Variants in CD244 observed in about 807,000 individuals in gnomAD.
CD244 encodes the protein natural killer cell receptor 2B4.
Under a neutral mutation model 45.5 loss-of-function variants are expected in CD244, and 20 were observed. The ratio of observed to expected loss-of-function variants is 0.44; its 90% confidence interval spans 0.31 to 0.64. The LOEUF (loss-of-function observed/expected upper bound fraction) is 0.64, where lower values mean the gene tolerates loss of function less well. CD244 is among the 30% of genes least tolerant of loss of function. The probability of loss-of-function intolerance (pLI) is 0.08; values close to 1 mark genes in which losing one functional copy is unlikely to be tolerated. For synonymous variants in CD244, 185 were observed against 160.5 expected (o/e 1.15, Z -1.15); for missense variants, 407 against 426.9 (o/e 0.95, Z 0.41).
intron 5 of CD244, 38 bp downstream of exon 5, chr1:160,838,413 G>C: frequency 6.8e-7 from 1 of 1,475,092 alleles, no homozygotes; most frequent in East Asian, 2.3e-5. Flanking sequence ...CATTTTCCAA[G>C]CCAGCTGAGA....
intron 8 of CD244, among the ~76,000 whole-genome samples, chr1:160,832,225 G>A (rs1669150718): frequency 1.3e-5 from 2 of 152,178 alleles, no homozygotes; most frequent in South Asian, 4.1e-4. Context: ...AAGGAGAGAT[G>A]TCCAGTTTGT....
intron 1 of CD244, among the ~76,000 whole-genome samples, chr1:160,858,331 G>T (rs1670182150): frequency 6.6e-6 from 1 of 152,130 alleles, no homozygotes; most frequent in African/African-American, 2.4e-5. Context: ...TCCCTGAGAA[G>T]TGACAGTTCC....
Position 160,860,728 on chromosome 1 carries a change from T to G in CD244, c.61+1889A>C, listed in dbSNP as rs114946994. ...TAAAGTAAATGTGATAAAATGTTAA[T>G]TGGTGAATCTAGATGAAAGAAATTC... On this transcript the variant is annotated intron_variant, in intron 1 of 8. Transcript: ENST00000368034. Among the ~76,000 whole-genome samples, 397 of 152,370 alleles carry G rather than the reference T, an allele frequency of 2.6e-3. 2 individuals are homozygous for G. Among genetic ancestry groups the G allele is most frequent in the African/African-American group, 8.9e-3 (370 of 41,586 alleles).
chr1:160,855,117 G>A (rs1349740234), intron 1 of CD244, among the ~76,000 whole-genome samples: 1 of 152,234 alleles, frequency 6.6e-6, no homozygotes, highest in African/African-American at 2.4e-5. Flanking sequence ...AGACTTGTTG[G>A]CAAGGTTGGT....
At chr1:160,856,097 G>GT in intron 1 of CD244, among the ~76,000 whole-genome samples, 1 of 152,324 alleles carries the variant, frequency 6.6e-6, no homozygotes, top group South Asian at 2.1e-4. Context: ...CAGGCTTGGG[G>GT]TGAAGGCATC....
chr1:160,831,117 C>A lies in CD244; in HGVS notation c.*230G>T, dbSNP rs567269037. 1.3e-5 allele frequency: 6 copies of A among 450,688 alleles called. No homozygotes were observed. In the East Asian group the frequency reaches 1.7e-4, roughly 13 times the overall value. The allele number at this position is 450,688 out of a possible 1,614,324, so 27.9% of individuals were successfully genotyped here. A position where few individuals can be genotyped will look rare whatever the true frequency, so the allele number is the denominator to read the frequency against. The stretch of plus-strand genomic sequence containing the variant: ...ATGTGGCCTTTTGTGAACAACCTAA[C>A]CCCTCCACCCATTCATGTCTGATCT... On this transcript the variant is annotated 3_prime_UTR_variant, in exon 9 of 9. Coordinates refer to ENST00000368034, the MANE Select transcript of CD244 (RefSeq NM_016382.4).
intron 1 of CD244, among the ~76,000 whole-genome samples, chr1:160,857,607 T>C (rs1362396656): frequency 6.6e-6 from 1 of 152,256 alleles, no homozygotes; most frequent in African/African-American, 2.4e-5. Flanking sequence ...GCTATATTTA[T>C]GGAAGACAGA....
chr1:160,859,842 C>T (rs943370758), intron 1 of CD244, among the ~76,000 whole-genome samples: 2 of 151,530 alleles, frequency 1.3e-5, no homozygotes, highest in African/African-American at 2.4e-5. Context: ...CCTGCGAGGT[C>T]GAGGCTACAG....
chr1:160,862,345 C>T (rs967027762), intron 1 of CD244, among the ~76,000 whole-genome samples: 1 of 152,172 alleles, frequency 6.6e-6, no homozygotes, highest in Non-Finnish European at 1.5e-5. Context: ...CTCCACTACA[C>T]GGAAGGGTAA....
chr1:160,831,184 G>C lies in CD244; in HGVS notation c.*163C>G. ...TATTTAACAGCCTTGCTCTTATCATGGTTGTTAGACATCATTTTCAAAACA... is the reference window on the plus strand; with the variant it reads ...TATTTAACAGCCTTGCTCTTATCATCGTTGTTAGACATCATTTTCAAAACA... On this transcript the variant is annotated 3_prime_UTR_variant, in exon 9 of 9. Coordinates refer to ENST00000368034, the MANE Select transcript of CD244 (RefSeq NM_016382.4). The C allele has an allele frequency of 3.2e-6, 2 of 617,250 alleles. No individual in the cohort carries two copies. The highest frequency in any genetic ancestry group is 5.8e-6 in the Non-Finnish European group (2 of 342,078). 38.2% of individuals were successfully genotyped at this position (617,250 alleles called of 1,614,324 possible). A position where few individuals can be genotyped will look rare whatever the true frequency, so the allele number is the denominator to read the frequency against.
At chr1:160,855,189 A>C (rs1436993667) in intron 1 of CD244, among the ~76,000 whole-genome samples, 2 of 152,192 alleles carry the variant, frequency 1.3e-5, no homozygotes, top group African/African-American at 4.8e-5. Context: ...GTGGAGGCTG[A>C]GATAGTGGAA....
At chr1:160,855,451 G>A (rs561998412) in intron 1 of CD244, among the ~76,000 whole-genome samples, 1 of 152,186 alleles carries the variant, frequency 6.6e-6, no homozygotes, top group Non-Finnish European at 1.5e-5. Context: ...GGGCAGGGGT[G>A]CAAAGCAGAT....
intron 1 of CD244, among the ~76,000 whole-genome samples, chr1:160,859,592 T>A (rs561479809): frequency 6.6e-6 from 1 of 152,150 alleles, no homozygotes; most frequent in East Asian, 1.9e-4. Context: ...AAAATTTTTT[T>A]AAAGAAAAAA....
At chr1:160,845,281 T>C (rs1290911248) in intron 1 of CD244, among the ~76,000 whole-genome samples, 3 of 152,124 alleles carry the variant, frequency 2.0e-5, no homozygotes, top group African/African-American at 7.2e-5. Context: ...AAAAAGGCCA[T>C]TTAGATGCCA....
chr1:160,833,425 C>A (rs1364901626), intron 7 of CD244, among the ~76,000 whole-genome samples: 1 of 152,192 alleles, frequency 6.6e-6, no homozygotes, highest in Non-Finnish European at 1.5e-5. Flanking sequence ...CTTGGGAACA[C>A]CACTCTTCCC....
chr1:160,841,953 C>T (rs572638508), intron 1 of CD244, 52 bp from the exon 2 acceptor site: 13 of 1,516,280 alleles, frequency 8.6e-6, no homozygotes, highest in South Asian at 1.1e-5. Flanking sequence ...CAGGCCTGAG[C>T]AATGTGGGCA....
chr1:160,854,565 T>TC (rs35848682), intron 1 of CD244, among the ~76,000 whole-genome samples: 4 of 149,192 alleles, frequency 2.7e-5, no homozygotes, highest in Non-Finnish European at 4.4e-5. Flanking sequence ...TTTTTTTTTT[T>TC]GTATTTTTAG....
rs199732135 is a variant in CD244 at position 160,834,027 on chromosome 1, C to T, written c.960+24G>A. 129 of 1,567,248 alleles carry T rather than the reference C, an allele frequency of 8.2e-5. No homozygotes were observed. The African/African-American group carries it at 1.4e-3, about 18-fold the overall frequency. ...ACACATCTACATCAACAACACCCCA[C>T]CACCACCACGGGAAGAGGCTCACCT... On this transcript the variant is annotated intron_variant, in intron 7 of 8. Transcript: ENST00000368034.
chr1:160,860,156 C>T (rs993603290), intron 1 of CD244, among the ~76,000 whole-genome samples: 2 of 151,898 alleles, frequency 1.3e-5, no homozygotes, highest in Non-Finnish European at 2.9e-5. Context: ...TGCAGTGAGC[C>T]GAGATTGGAC....
Sources: allele counts gnomAD v4.1 joint callset (sites outside exome capture counted in the v4.1 genomes callset), GRCh38; gene constraint gnomAD v4.1.1; transcripts MANE v1.5; gene names NCBI Gene and HGNC (gene_info 2026-07-23, HGNC 2026-07-21).